GTF2E2: variants seen among roughly 807,000 people sequenced by gnomAD.
The protein encoded by GTF2E2 is transcription initiation factor IIE subunit beta.
GTF2E2 carries 21 observed loss-of-function variants against 40.5 expected under a neutral mutation model. That is an observed-to-expected ratio of 0.52 (90% CI 0.37 to 0.75). The LOEUF is 0.75. Among genes scored for constraint, GTF2E2 ranks in the 30% least tolerant of loss-of-function variants. GTF2E2 has a pLI of 0.00. For synonymous variants in GTF2E2, 117 were observed against 121.6 expected (o/e 0.96, Z 0.25); for missense variants, 298 against 338.4 (o/e 0.88, Z 0.94).
intron 4 of GTF2E2, among the ~76,000 whole-genome samples, 198 bp downstream of exon 4, chr8:30,614,410 T>C (rs1345622514): frequency 6.6e-6 from 1 of 152,220 alleles, no homozygotes; most frequent in Non-Finnish European, 1.5e-5. Flanking sequence ...TGAAACCCCG[T>C]CTCTACTAAA....
intron 2 of GTF2E2, chr8:30,645,824 A>T (rs1802055093): frequency 2.3e-6 from 1 of 443,082 alleles, no homozygotes; most frequent in Non-Finnish European, 4.0e-6. Context: ...TCTGTTTAAT[A>T]CTGACACTTC....
Position 30,578,827 on chromosome 8 carries a change from G to T in GTF2E2, c.*94C>A. The T allele has an allele frequency of 1.3e-6, 1 of 748,238 alleles. No individual in the cohort carries two copies. The highest frequency in any genetic ancestry group is 1.4e-5 in the South Asian group (1 of 69,032). The allele number at this position is 748,238 out of a possible 1,614,324, so 46.3% of individuals were successfully genotyped here. A position where few individuals can be genotyped will look rare whatever the true frequency, so the allele number is the denominator to read the frequency against. The stretch of plus-strand genomic sequence containing the variant: ...GAACTGCTCCTCTCCTCAGCCGCAA[G>T]AAGCAGATAGGAAGACAGTCTTCAG... On this transcript the variant is annotated 3_prime_UTR_variant, in exon 8 of 8. Transcript: ENST00000355904.
intron 3 of GTF2E2, among the ~76,000 whole-genome samples, chr8:30,622,357 G>A (rs1198211548): frequency 6.6e-6 from 1 of 151,930 alleles, no homozygotes; most frequent in Non-Finnish European, 1.5e-5. Flanking sequence ...AAACCAGCAA[G>A]TTTTTACTAG....
chr8:30,624,708 T>C (rs926228052), intron 3 of GTF2E2, among the ~76,000 whole-genome samples: 16 of 152,164 alleles, frequency 1.1e-4, no homozygotes, highest in East Asian at 3.9e-4. Context: ...TTTGTAGTTC[T>C]CCTTGAAGAG....
At chr8:30,608,364 C>G (rs924136093) in intron 5 of GTF2E2, among the ~76,000 whole-genome samples, 1 of 152,178 alleles carries the variant, frequency 6.6e-6, no homozygotes, top group African/African-American at 2.4e-5. Flanking sequence ...TGAAAAGAAT[C>G]TTTATCATCT....
In GTF2E2 at chr8:30,581,348, G is replaced by A. The variant is rs566779883; in HGVS notation, c.644-952C>T. Among the ~76,000 whole-genome samples, 211 of 152,234 alleles carry A rather than the reference G, an allele frequency of 1.4e-3. 2 individuals are homozygous for A. The highest frequency in any genetic ancestry group is 0.012 in the South Asian group (59 of 4,822). On this transcript the variant is annotated intron_variant, in intron 6 of 7. Transcript: ENST00000355904. ...CAGAGCCAAGAACTTCCCACGGTCC[G>A]TTTACAAATGATAAATGAAGTAGGC...
At chr8:30,637,311 C>T (rs775474128) in intron 2 of GTF2E2, 16 of 455,902 alleles carry the variant, frequency 3.5e-5, no homozygotes, top group Non-Finnish European at 6.2e-5. Flanking sequence ...TAAGGACAAA[C>T]ACCACACAAA....
chr8:30,617,437 A>G (rs1025133825), intron 3 of GTF2E2, among the ~76,000 whole-genome samples: 1 of 152,162 alleles, frequency 6.6e-6, no homozygotes. Flanking sequence ...GAAGCTAAAC[A>G]TACAAGCTAC....
intron 6 of GTF2E2, among the ~76,000 whole-genome samples, chr8:30,603,031 C>T (rs916366684): frequency 6.6e-6 from 1 of 152,186 alleles, no homozygotes; most frequent in Non-Finnish European, 1.5e-5. Context: ...CCTAGCATTT[C>T]ATACAATCCG....
intron 3 of GTF2E2, among the ~76,000 whole-genome samples, chr8:30,625,361 C>A (rs1801240499): frequency 6.6e-6 from 1 of 152,066 alleles, no homozygotes; most frequent in African/African-American, 2.4e-5. Context: ...AGGGTGAAAT[C>A]TAGGTTTTCA....
chr8:30,621,942 T>G (rs909094687), intron 3 of GTF2E2, among the ~76,000 whole-genome samples: 1 of 150,990 alleles, frequency 6.6e-6, no homozygotes, highest in Non-Finnish European at 1.5e-5. Context: ...TCGTTAAGTA[T>G]GATGTTAAAT....
At position 30,635,123 on chromosome 8, in the gene GTF2E2, T is replaced by C. The variant is rs1372670414; in HGVS notation, c.167A>G (p.Asp56Gly). The change falls in exon 3 of 8, where the codon GAT (aspartate) becomes GGT (glycine). Residue 56 changes from aspartate (D) to glycine (G), a missense_variant and splice_region_variant. Transcript: ENST00000355904. Reference protein sequence around the residue: ...GGSSGSKQNSDHSNGSFNLKA... With the variant: ...GGSSGSKQNSGHSNGSFNLKA... ...CAAGTTAAATGATCCATTGCTATGA[T>C]CTGCAAATGAAGTTCAAAATAACAT... 6.4e-7 allele frequency: 1 copy of C among 1,566,912 alleles called. No homozygotes were observed. The highest frequency in any genetic ancestry group is 8.8e-7 in the Non-Finnish European group (1 of 1,139,506).
At chr8:30,608,813 G>A (rs755449586) in intron 5 of GTF2E2, among the ~76,000 whole-genome samples, 1 of 152,184 alleles carries the variant, frequency 6.6e-6, no homozygotes, top group Non-Finnish European at 1.5e-5. Flanking sequence ...GCAGTGACGC[G>A]ATCTTGGCTC....
chr8:30,634,245 C>T (rs1200674160), intron 3 of GTF2E2, among the ~76,000 whole-genome samples: 4 of 152,038 alleles, frequency 2.6e-5, no homozygotes, highest in South Asian at 2.1e-4. Context: ...CTTAGGAGTT[C>T]GAGACCAGCC....
At chr8:30,641,035 T>C (rs1309190350) in intron 2 of GTF2E2, among the ~76,000 whole-genome samples, 1 of 152,178 alleles carries the variant, frequency 6.6e-6, no homozygotes, top group Non-Finnish European at 1.5e-5. Flanking sequence ...TCCATGAAAG[T>C]AAGATTTAGC....
At chr8:30,611,191 C>A (rs1829465346) in intron 5 of GTF2E2, among the ~76,000 whole-genome samples, 1 of 152,110 alleles carries the variant, frequency 6.6e-6, no homozygotes, top group Non-Finnish European at 1.5e-5. Flanking sequence ...GGAGTAACTG[C>A]CCACTTAACC....
chr8:30,608,158 T>C (rs377613403), intron 5 of GTF2E2, among the ~76,000 whole-genome samples: 2 of 152,180 alleles, frequency 1.3e-5, no homozygotes, highest in Admixed American at 6.6e-5. Context: ...AAAAGCCAAA[T>C]AGCAGCACTC....
At chr8:30,628,278 G>A (rs1248164998) in intron 3 of GTF2E2, among the ~76,000 whole-genome samples, 1 of 152,174 alleles carries the variant, frequency 6.6e-6, no homozygotes, top group East Asian at 1.9e-4. Flanking sequence ...AAAAAACTGA[G>A]GTTTCCTCTG....
chr8:30,645,298 G>GA (rs1212819896), intron 2 of GTF2E2: 1 of 1,528,910 alleles, frequency 6.5e-7, no homozygotes, highest in Non-Finnish European at 8.7e-7. Context: ...AGAGCAAGTG[G>GA]AATCTCTAAG....
Sources: allele counts gnomAD v4.1 joint callset (sites outside exome capture counted in the v4.1 genomes callset), GRCh38; gene constraint gnomAD v4.1.1; transcripts MANE v1.5; gene names NCBI Gene and HGNC (gene_info 2026-07-23, HGNC 2026-07-21).